Variants in PAPSS2 observed in about 807,000 individuals in gnomAD.
PAPSS2 encodes the protein 3'-phosphoadenosine 5'-phosphosulfate synthase 2.
A neutral mutation model predicts 66.5 loss-of-function variants in PAPSS2; 61 were observed. The ratio of observed to expected loss-of-function variants is 0.92; its 90% CI spans 0.75 to 1.14. The LOEUF (loss-of-function observed/expected upper bound fraction) is 1.14, where lower values mean the gene tolerates loss of function less well. PAPSS2 is among the 50% of genes most tolerant of loss of function. The pLI is 0.00. For synonymous variants in PAPSS2, 289 were observed against 287.5 expected, an observed-to-expected ratio of 1.01 and a Z score of -0.05; for missense variants, 708 against 789.6, an observed-to-expected ratio of 0.90 and a Z score of 1.24.
chr10:87,695,616 G>A (rs1293696148), intron 1 of PAPSS2, among the ~76,000 whole-genome samples: 1 of 152,182 alleles, frequency 6.6e-6, no homozygotes, highest in Non-Finnish European at 1.5e-5. Flanking sequence ...GAAGTCACAG[G>A]AACCAAGACA....
intron 9 of PAPSS2, among the ~76,000 whole-genome samples, chr10:87,738,234 A>G (rs1853823278): frequency 1.3e-5 from 2 of 152,236 alleles, no homozygotes; most frequent in South Asian, 4.1e-4. Context: ...ATATACACCC[A>G]TAAGTAGGAT....
At chr10:87,720,030 C>T (rs1180823875) in intron 7 of PAPSS2, among the ~76,000 whole-genome samples, 2 of 151,966 alleles carry the variant, frequency 1.3e-5, no homozygotes, top group Admixed American at 6.6e-5. Context: ...AGACTACAGG[C>T]GCTTGCCACG....
intron 10 of PAPSS2, among the ~76,000 whole-genome samples, chr10:87,742,135 A>G (rs1303752500): frequency 6.6e-6 from 1 of 152,248 alleles, no homozygotes; most frequent in East Asian, 1.9e-4. Flanking sequence ...ACAGTTTTAT[A>G]AAGTTGTACT....
intron 1 of PAPSS2, among the ~76,000 whole-genome samples, chr10:87,674,511 C>T (rs1440782946): frequency 3.3e-5 from 5 of 151,980 alleles, no homozygotes; most frequent in African/African-American, 1.2e-4. Context: ...GCATTTTCTT[C>T]AATTATGAAG....
At position 87,659,924 on chromosome 10, in the gene PAPSS2, G is replaced by T; in HGVS notation, c.-58G>T. 1 of 1,591,234 alleles carries T rather than the reference G, an allele frequency of 6.3e-7. No homozygotes were observed. The highest frequency in any genetic ancestry group is 8.6e-7 in the Non-Finnish European group (1 of 1,163,114). ...TGCTGCTGCCGCCGCCGCCGCCGCC[G>T]TCCCTGCGTCCTTCGGTCTCTGCTC... On this transcript the variant is annotated 5_prime_UTR_variant, in exon 1 of 13. Coordinates refer to ENST00000456849, the MANE Select transcript of PAPSS2 (RefSeq NM_001015880.2).
chr10:87,673,577 CAT>C (rs1491365117), intron 1 of PAPSS2, among the ~76,000 whole-genome samples: 3 of 107,720 alleles, frequency 2.8e-5, no homozygotes, highest in South Asian at 2.7e-4. Flanking sequence ...TGTATGTATT[CAT>C]GTGTGTGTGT....
At chr10:87,688,486 G>A (rs1195482783) in intron 1 of PAPSS2, among the ~76,000 whole-genome samples, 3 of 100,606 alleles carry the variant, frequency 3.0e-5, no homozygotes, top group African/African-American at 1.4e-4. Flanking sequence ...TTGAGACTAA[G>A]TCTCACTCTG....
intron 1 of PAPSS2, among the ~76,000 whole-genome samples, chr10:87,706,108 ATGTGTGTGTGTGTGTGTGTG>A (rs150079044): frequency 6.4e-4 from 33 of 51,910 alleles, no homozygotes; most frequent in South Asian, 1.4e-3. Flanking sequence ...ATATATATAT[ATGTGTGTGTGTGTGTGTGTG>A]TGTGTGTGTG....
chr10:87,741,839 C>G (rs1853874309), intron 10 of PAPSS2, among the ~76,000 whole-genome samples: 1 of 152,248 alleles, frequency 6.6e-6, no homozygotes, highest in Admixed American at 6.5e-5. Context: ...TCACTGCAGC[C>G]TCAACCTCCT....
intron 1 of PAPSS2, among the ~76,000 whole-genome samples, chr10:87,667,539 C>G (rs745801207): frequency 3.3e-5 from 5 of 152,184 alleles, no homozygotes; most frequent in Non-Finnish European, 7.3e-5. Flanking sequence ...TGTATTAAAA[C>G]TTGAAATATA....
chr10:87,677,554 A>G (rs965279515), intron 1 of PAPSS2, among the ~76,000 whole-genome samples: 16 of 152,356 alleles, frequency 1.1e-4, no homozygotes, highest in Middle Eastern at 6.8e-3. Context: ...GACATGAAAG[A>G]GGAGTCAATT....
intron 9 of PAPSS2, among the ~76,000 whole-genome samples, chr10:87,727,859 G>T (rs971820388): frequency 1.3e-5 from 2 of 152,092 alleles, no homozygotes; most frequent in African/African-American, 2.4e-5. Context: ...TTGAAAATGC[G>T]CAAGGAACAT....
In PAPSS2 at chr10:87,714,832, T is replaced by C. The variant is rs140928408; in HGVS notation, c.608T>C (p.Val203Ala). The change falls in exon 5 of 13, where the codon GTC (valine) becomes GCC (alanine). Residue 203 changes from valine to alanine, a missense_variant. Val to Ala is a moderately conservative substitution (Grantham distance 64, BLOSUM62 0). Transcript: ENST00000456849. ...AATTTGTCCACAGTGAGTGACTGTG[T>C]CCACCAGGTAGTGGAACTTCTGCAA... Reference protein sequence around the residue: ...KTNLSTVSDCVHQVVELLQEQ... With the variant: ...KTNLSTVSDCAHQVVELLQEQ... 32 of 1,609,918 alleles carry C rather than the reference T, an allele frequency of 2.0e-5. No homozygotes were observed. The East Asian group carries it at 5.6e-4, about 28-fold the overall frequency.
chr10:87,702,921 C>T (rs1475431914), intron 1 of PAPSS2, among the ~76,000 whole-genome samples: 1 of 152,150 alleles, frequency 6.6e-6, no homozygotes, highest in Non-Finnish European at 1.5e-5. Context: ...GGTTACTTCT[C>T]TTGTAGTCAC....
intron 1 of PAPSS2, among the ~76,000 whole-genome samples, chr10:87,701,873 A>T (rs7075360): frequency 0.028 from 4,273 of 152,336 alleles, 204 homozygotes; most frequent in African/African-American, 0.097. Context: ...ACCTGGGGGA[A>T]AAAACAGTAA....
At position 87,745,444 on chromosome 10, in the gene PAPSS2, TC is replaced by T. The variant is rs548170285; in HGVS notation, c.1721+214del. The stretch of plus-strand genomic sequence containing the variant: ...ATAGTAGATGGTCCATAAATATTTC[TC>T]TTTCAACATGCATTCTTGAGCATGC... On this transcript the variant is annotated intron_variant, in intron 12 of 12. Transcript: ENST00000456849. Among the ~76,000 whole-genome samples, 12 of 152,328 alleles carry T rather than the reference TC, an allele frequency of 7.9e-5. No homozygotes were observed. In the South Asian group the frequency reaches 2.5e-3, roughly 32 times the overall value.
chr10:87,737,507 A>C (rs1853815179), intron 9 of PAPSS2, among the ~76,000 whole-genome samples: 1 of 152,174 alleles, frequency 6.6e-6, no homozygotes, highest in Non-Finnish European at 1.5e-5. Flanking sequence ...ATCTTGCAAA[A>C]TGGAAACTCT....
intron 1 of PAPSS2, among the ~76,000 whole-genome samples, chr10:87,679,751 C>T (rs1311871973): frequency 1.3e-5 from 2 of 152,072 alleles, no homozygotes; most frequent in African/African-American, 4.8e-5. Context: ...GCAGGTCTGA[C>T]ACAGTGGCTC....
At chr10:87,741,090 G>T in intron 9 of PAPSS2, 145 bp from the exon 10 acceptor site, 1 of 846,062 alleles carries the variant, frequency 1.2e-6, no homozygotes, top group Non-Finnish European at 1.9e-6. Context: ...AGACCAAAAA[G>T]TTTGAGAAAT....
Sources: allele counts gnomAD v4.1 joint callset (sites outside exome capture counted in the v4.1 genomes callset), GRCh38; gene constraint gnomAD v4.1.1; transcripts MANE v1.5; gene names NCBI Gene and HGNC (gene_info 2026-07-23, HGNC 2026-07-21).